Variants in C6 observed in about 807,000 individuals in gnomAD.
C6 encodes complement C6.
In C6, 101 loss-of-function variants were observed where a neutral mutation model predicts 112.9. The observed-to-expected ratio is 0.89, with a 90% CI of 0.76 to 1.06. The LOEUF (loss-of-function observed/expected upper bound fraction) is 1.06. Ranked by LOEUF, C6 falls within the 50% of genes least tolerant of loss-of-function variation. C6 has a pLI of 0.00. For missense variants in C6, 1,202 were observed against 1,104.6 expected (o/e 1.09, Z -1.25); for synonymous variants, 431 against 384.1 (o/e 1.12, Z -1.43).
chr5:41,188,096 T>A (rs913429421), intron 5 of C6, among the ~76,000 whole-genome samples: 7 of 152,096 alleles, frequency 4.6e-5, no homozygotes, highest in Non-Finnish European at 1.0e-4. Flanking sequence ...ACTCATATAC[T>A]GAAAAGTATA....
chr5:41,236,481 G>A lies in C6; in HGVS notation c.-21+24713C>T, dbSNP rs560547387. ...CAACCTGCTCCTGAATGACTACTGG[G>A]TACATAACGAAATGAAGGCAGAAAT... On this transcript the variant is annotated intron_variant, in intron 1 of 17. Coordinates refer to the C6 transcript ENST00000263413. Among the ~76,000 whole-genome samples, 334 of 148,290 alleles carry A rather than the reference G, an allele frequency of 2.3e-3. 1 individual carries two copies. Among genetic ancestry groups the A allele is most frequent in the Non-Finnish European group, 3.6e-3 (242 of 66,964 alleles).
chr5:41,254,002 C>G (rs1408892892), intron 1 of C6, among the ~76,000 whole-genome samples: 1 of 152,160 alleles, frequency 6.6e-6, no homozygotes, highest in African/African-American at 2.4e-5. Flanking sequence ...AAATTTCACA[C>G]AGTTGGCCTT....
Position 41,153,879 on chromosome 5 carries a change from G to A in C6, c.2221C>T (p.Pro741Ser), listed in dbSNP as rs1254885285. Residue 741 changes from proline (P) to serine (S), a missense_variant, in exon 15 of 18, where the codon CCA (proline) becomes TCA (serine). Pro to Ser is a moderately conservative substitution (Grantham distance 74). Transcript: ENST00000337836. ...TTCCCCTGGCATGTGTACCTTGATG[G>A]CCCAGCAACAACAAAGCCTTTGGGG... is the stretch of plus-strand genomic sequence containing the variant. Reference protein sequence around the residue: ...TCPKGFVVAGPSRYTCQGNSW... With the variant: ...TCPKGFVVAGSSRYTCQGNSW... 1.2e-6 allele frequency: 2 copies of A among 1,613,536 alleles called. No homozygotes were observed. Among genetic ancestry groups the A allele is most frequent in the African/African-American group, 1.3e-5 (1 of 74,898 alleles).
At chr5:41,172,485 T>C in intron 8 of C6, 138 bp from the exon 9 acceptor site, 5 of 841,760 alleles carry the variant, frequency 5.9e-6, no homozygotes, top group Middle Eastern at 4.6e-4. Context: ...TAATCTTAAG[T>C]GACAGCTCAA....
chr5:41,220,126 T>C (rs1022969691), intron 1 of C6, among the ~76,000 whole-genome samples: 1 of 152,180 alleles, frequency 6.6e-6, no homozygotes, highest in African/African-American at 2.4e-5. Flanking sequence ...CCTGGGGTAG[T>C]GTGTAATACA....
intron 9 of C6, among the ~76,000 whole-genome samples, chr5:41,169,369 G>A (rs2150294463): frequency 6.6e-6 from 1 of 151,996 alleles, no homozygotes; most frequent in South Asian, 2.1e-4. Flanking sequence ...TCCCTGACAA[G>A]CAGCAAAGGA....
At chr5:41,258,825 G>A (rs1000776477) in intron 1 of C6, among the ~76,000 whole-genome samples, 1 of 152,162 alleles carries the variant, frequency 6.6e-6, no homozygotes, top group African/African-American at 2.4e-5. Context: ...ATGAGTGCAA[G>A]CAGGGGAAAT....
At chr5:41,201,470 T>A in intron 3 of C6, 88 bp downstream of exon 3, 1 of 1,242,752 alleles carries the variant, frequency 8.0e-7, no homozygotes. Context: ...ATTGAAGTAA[T>A]TCAGCATTAC....
rs117563285 is a variant in C6 at position 41,151,459 on chromosome 5, G to C, written c.2291-1434C>G. On this transcript the variant is annotated intron_variant, in intron 15 of 17. Transcript: ENST00000337836. The stretch of plus-strand genomic sequence containing the variant: ...GAAAATGCTTAGTTTTAGGAAGGAA[G>C]GGTGATGAATTAAGAGTTCCCTACT... 1.5e-3 allele frequency among the ~76,000 whole-genome samples: 221 copies of C among 152,292 alleles called. 6 individuals are homozygous for C. In the East Asian group the frequency reaches 0.038, roughly 26 times the overall value.
chr5:41,172,587 C>A (rs997525883), intron 8 of C6: 1 of 565,878 alleles, frequency 1.8e-6, no homozygotes, highest in South Asian at 2.0e-5. Flanking sequence ...CCTTTCAGCA[C>A]TGACCCTCAG....
At chr5:41,187,520 C>A (rs1580145162) in intron 5 of C6, among the ~76,000 whole-genome samples, 1 of 152,072 alleles carries the variant, frequency 6.6e-6, no homozygotes, top group East Asian at 1.9e-4. Flanking sequence ...AAAATTCGAC[C>A]AATTACTCAG....
chr5:41,143,526 A>C (rs892966846), intron 17 of C6, among the ~76,000 whole-genome samples: 2 of 152,238 alleles, frequency 1.3e-5, no homozygotes, highest in African/African-American at 4.8e-5. Context: ...ATGTACTGTG[A>C]AGCCACACAA....
intron 9 of C6, among the ~76,000 whole-genome samples, chr5:41,168,761 A>C (rs1162467317): frequency 6.6e-6 from 1 of 152,160 alleles, no homozygotes; most frequent in Admixed American, 6.5e-5. Flanking sequence ...CAACTTGATG[A>C]AACTTATGTT....
intron 1 of C6, among the ~76,000 whole-genome samples, chr5:41,246,470 G>A (rs184404409): frequency 1.1e-4 from 16 of 152,266 alleles, no homozygotes; most frequent in Admixed American, 5.9e-4. Flanking sequence ...TCTGCCATAT[G>A]TGCAGGCAGA....
chr5:41,216,339 CA>C (rs979247528), upstream of C6, among the ~76,000 whole-genome samples: 3 of 152,108 alleles, frequency 2.0e-5, no homozygotes, highest in African/African-American at 7.2e-5. Flanking sequence ...GCTTCCTGGA[CA>C]AAATATAATA....
chr5:41,166,707 C>T (rs1011692550), intron 9 of C6, among the ~76,000 whole-genome samples: 2 of 152,086 alleles, frequency 1.3e-5, no homozygotes, highest in African/African-American at 2.4e-5. Context: ...ATGCAGGTTG[C>T]AGTGAGTACG....
At chr5:41,189,534 G>T (rs905303610) in intron 5 of C6, among the ~76,000 whole-genome samples, 21 of 151,838 alleles carry the variant, frequency 1.4e-4, no homozygotes, top group Admixed American at 8.5e-4. Flanking sequence ...CATATTTATG[G>T]GGTACGTAGT....
intron 1 of C6, among the ~76,000 whole-genome samples, chr5:41,226,517 A>G (rs1418947444): frequency 1.3e-5 from 2 of 152,158 alleles, no homozygotes; most frequent in East Asian, 3.9e-4. Context: ...GTGATTAACT[A>G]TAGTCTCCAT....
At chr5:41,191,933 C>T (rs774624989) in intron 5 of C6, among the ~76,000 whole-genome samples, 2 of 152,096 alleles carry the variant, frequency 1.3e-5, no homozygotes, top group Non-Finnish European at 2.9e-5. Flanking sequence ...CAAGGACTTA[C>T]AGGACTATGC....
Sources: allele counts gnomAD v4.1 joint callset (sites outside exome capture counted in the v4.1 genomes callset), GRCh38; gene constraint gnomAD v4.1.1; transcripts MANE v1.5; gene names NCBI Gene and HGNC (gene_info 2026-07-23, HGNC 2026-07-21).